The following PRDM16 variants were observed in gnomAD, a reference collection of about 807,000 sequenced individuals.
PRDM16 encodes PR/SET domain 16.
In PRDM16, 23 loss-of-function variants were observed where a neutral mutation model predicts 110.6. That is an observed-to-expected ratio of 0.21 (90% CI 0.15 to 0.29). The LOEUF (loss-of-function observed/expected upper bound fraction) is 0.29, where lower values mean the gene tolerates loss of function less well. PRDM16 is among the 10% of genes least tolerant of loss of function. PRDM16 has a pLI of 1.00. For missense variants in PRDM16, 1,615 were observed against 1,794.3 expected (o/e 0.90, Z 1.81); for synonymous variants, 799 against 781.8 (o/e 1.02, Z -0.37).
intron 3 of PRDM16, among the ~76,000 whole-genome samples, chr1:3,295,215 G>A (rs1242873219): frequency 2.6e-5 from 4 of 152,348 alleles, no homozygotes; most frequent in South Asian, 2.1e-4. Context: ...TACAGCTACA[G>A]GGTATCCAGG....
intron 3 of PRDM16, among the ~76,000 whole-genome samples, chr1:3,271,218 C>T (rs923701414): frequency 2.6e-5 from 4 of 152,216 alleles, no homozygotes; most frequent in African/African-American, 4.8e-5. Flanking sequence ...TACAGATATC[C>T]CTCGAGGAAG....
At chr1:3,130,609 T>G (rs1253182269) in intron 1 of PRDM16, among the ~76,000 whole-genome samples, 1 of 152,122 alleles carries the variant, frequency 6.6e-6, no homozygotes, top group Non-Finnish European at 1.5e-5. Flanking sequence ...TGATGCTTCA[T>G]GCGCCCCACG....
chr1:3,164,141 A>G (rs1240016824), intron 1 of PRDM16, among the ~76,000 whole-genome samples: 1 of 152,256 alleles, frequency 6.6e-6, no homozygotes, highest in Admixed American at 6.5e-5. Context: ...CCGCTTCATG[A>G]ATTACACACC....
chr1:3,283,445 C>T (rs1640761071), intron 3 of PRDM16, among the ~76,000 whole-genome samples: 2 of 152,194 alleles, frequency 1.3e-5, no homozygotes, highest in South Asian at 4.1e-4. Context: ...TAGGACAGCC[C>T]CAGGCAGACC....
intron 16 of PRDM16, among the ~76,000 whole-genome samples, chr1:3,433,235 G>A (rs1376109148): frequency 2.6e-5 from 4 of 152,240 alleles, no homozygotes; most frequent in African/African-American, 7.2e-5. Context: ...GGCATCACTC[G>A]GAGCAGGGGG....
intron 1 of PRDM16, among the ~76,000 whole-genome samples, chr1:3,105,923 G>A (rs887970537): frequency 2.2e-4 from 33 of 152,172 alleles, no homozygotes; most frequent in Admixed American, 4.6e-4. Flanking sequence ...CCTCTGCCAC[G>A]GCCATCCTTA....
chr1:3,181,766 A>ACAGTCTTACACATG (rs1389212530), intron 1 of PRDM16, among the ~76,000 whole-genome samples: 1 of 135,870 alleles, frequency 7.4e-6, no homozygotes, highest in Non-Finnish European at 1.6e-5. Context: ...GGTCTTACAC[A>ACAGTCTTACACATG]CAGTCTTACA....
At chr1:3,334,135 C>G (rs1642098842) in intron 3 of PRDM16, among the ~76,000 whole-genome samples, 1 of 152,226 alleles carries the variant, frequency 6.6e-6, no homozygotes, top group Non-Finnish European at 1.5e-5. Context: ...CAGCTGCTTC[C>G]TCAGCTGCCA....
At chr1:3,205,552 A>T (rs917530110) in intron 2 of PRDM16, among the ~76,000 whole-genome samples, 1 of 152,248 alleles carries the variant, frequency 6.6e-6, no homozygotes, top group African/African-American at 2.4e-5. Flanking sequence ...GTTACATAGG[A>T]AAATAAATAC....
At chr1:3,393,391 A>G (rs1388436040) in intron 4 of PRDM16, among the ~76,000 whole-genome samples, 1 of 152,208 alleles carries the variant, frequency 6.6e-6, no homozygotes, top group Non-Finnish European at 1.5e-5. Context: ...GACTTCTCCC[A>G]CCATGCTGAC....
At chr1:3,188,517 C>G (rs1012587373) in intron 2 of PRDM16, among the ~76,000 whole-genome samples, 1 of 152,220 alleles carries the variant, frequency 6.6e-6, no homozygotes, top group African/African-American at 2.4e-5. Context: ...GCTCTCCTCA[C>G]GGCGCACCTC....
At chr1:3,361,227 G>A (rs55829707) in intron 3 of PRDM16, among the ~76,000 whole-genome samples, 7,795 of 152,198 alleles carry the variant, frequency 0.051, 224 homozygotes, top group Non-Finnish European at 0.062. Flanking sequence ...GTCACAGCCT[G>A]TGGGCCGTCT....
intron 1 of PRDM16, among the ~76,000 whole-genome samples, chr1:3,097,938 G>A (rs139844756): frequency 2.8e-4 from 42 of 152,186 alleles, no homozygotes; most frequent in Middle Eastern, 3.4e-3. Flanking sequence ...GTCCCCACCC[G>A]TCCCCTCTTC....
intron 3 of PRDM16, among the ~76,000 whole-genome samples, chr1:3,322,157 CTGTGTGTG>C (rs371089810): frequency 1.3e-5 from 2 of 149,210 alleles, no homozygotes; most frequent in Non-Finnish European, 3.0e-5. Context: ...TGTGAGTGCA[CTGTGTGTG>C]TGTGCTGTGC....
chr1:3,143,368 C>T lies in PRDM16; in HGVS notation c.38-42757C>T, dbSNP rs549612394. On this transcript the variant is annotated intron_variant, in intron 1 of 16. Transcript: ENST00000270722. The surrounding 1 kb of genome is among the most constrained non-coding windows in gnomAD (Gnocchi z 4.5). ...TAGGGCTCCAAGCACCAGCCCCTCG[C>T]CCCAGTCCCAGCAGGTGGCCTCCCC... Among the ~76,000 whole-genome samples the T allele has an allele frequency of 3.3e-5, 5 of 152,322 alleles. No homozygotes were observed. The East Asian group carries it at 9.6e-4, about 29-fold the overall frequency.
intron 1 of PRDM16, among the ~76,000 whole-genome samples, chr1:3,168,624 A>C (rs1224237432): frequency 7.2e-6 from 1 of 138,044 alleles, no homozygotes; most frequent in Non-Finnish European, 1.5e-5. Flanking sequence ...GATCAGACCG[A>C]AATACAGATC....
intron 1 of PRDM16, among the ~76,000 whole-genome samples, chr1:3,125,780 T>C (rs1643192385): frequency 2.0e-5 from 3 of 152,206 alleles, no homozygotes; most frequent in Admixed American, 2.0e-4. Flanking sequence ...GCCTGGCCCC[T>C]CGGAGCGGAG....
At chr1:3,131,505 G>T (rs151035957) in intron 1 of PRDM16, among the ~76,000 whole-genome samples, 59 of 149,618 alleles carry the variant, frequency 3.9e-4, no homozygotes, top group African/African-American at 1.4e-3. Context: ...TTACTTCAAA[G>T]GATTTTTTAG....
chr1:3,378,499 A>T (rs557371100), intron 3 of PRDM16, among the ~76,000 whole-genome samples: 3 of 152,150 alleles, frequency 2.0e-5, no homozygotes, highest in Non-Finnish European at 4.4e-5. Flanking sequence ...GCCATGGCAC[A>T]GCTCTGGAGT....
Sources: gnomAD v4.1 joint callset for allele counts (sites outside exome capture counted in the v4.1 genomes callset) on GRCh38, gnomAD v4.1.1 for gene constraint, Gnocchi (gnomAD v3.1) non-coding constraint, MANE v1.5 for transcripts, NCBI Gene and HGNC (gene_info 2026-07-23, HGNC 2026-07-21) for gene names.